MACROD2: variants seen among roughly 807,000 people sequenced by gnomAD.
The protein encoded by MACROD2 is mono-ADP ribosylhydrolase 2, also known as ADP-ribose glycohydrolase MACROD2.
In MACROD2, 36 loss-of-function variants were observed where a neutral mutation model predicts 70.4. That is an observed-to-expected ratio of 0.51 (90% CI 0.39 to 0.68). The LOEUF (loss-of-function observed/expected upper bound fraction) is 0.68. MACROD2 is among the 30% of genes least tolerant of loss of function. MACROD2 has a pLI of 0.00. For missense variants in MACROD2, 496 were observed against 538.4 expected (o/e 0.92, Z 0.78); for synonymous variants, 172 against 178.8 (o/e 0.96, Z 0.30).
rs1299564856 is a variant in MACROD2, at chr20:14,072,364, T to A, written c.164-13257T>A. ...ACAGATGGACTCTTTGAACTAAAAA[T>A]GGTATATGAGAGCCTGCATAGCATG... On this transcript the variant is annotated intron_variant, in intron 2 of 17. Coordinates refer to ENST00000684519, the MANE Select transcript of MACROD2 (RefSeq NM_001351661.2). 7.9e-5 allele frequency among the ~76,000 whole-genome samples: 12 copies of A among 152,058 alleles called. No homozygotes were observed. In the East Asian group the frequency reaches 2.3e-3, roughly 29 times the overall value.
At chr20:14,845,006 G>A (rs2073125138) in intron 5 of MACROD2, among the ~76,000 whole-genome samples, 1 of 152,048 alleles carries the variant, frequency 6.6e-6, no homozygotes, top group Non-Finnish European at 1.5e-5. Context: ...CAATCTAGCT[G>A]TTGAAATCTC....
chr20:14,609,889 C>T (rs547756722), intron 4 of MACROD2, among the ~76,000 whole-genome samples: 7 of 152,218 alleles, frequency 4.6e-5, no homozygotes, highest in East Asian at 3.9e-4. Flanking sequence ...TTTTCATACA[C>T]GAAATTAACC....
intron 6 of MACROD2, among the ~76,000 whole-genome samples, chr20:15,237,924 G>A (rs750838934): frequency 6.6e-6 from 1 of 152,204 alleles, no homozygotes; most frequent in Non-Finnish European, 1.5e-5. Flanking sequence ...TGACAGCAAG[G>A]GTATTTGCTA....
At chr20:15,888,705 G>A (rs557118163) in intron 10 of MACROD2, among the ~76,000 whole-genome samples, 60 of 152,204 alleles carry the variant, frequency 3.9e-4, no homozygotes, top group Admixed American at 1.8e-3. Context: ...AGCTGTTCAA[G>A]TCATATTCAA....
intron 8 of MACROD2, among the ~76,000 whole-genome samples, chr20:15,837,063 G>A (rs1404972303): frequency 1.3e-5 from 2 of 152,102 alleles, no homozygotes; most frequent in Non-Finnish European, 2.9e-5. Flanking sequence ...GCACACATAT[G>A]TACTTGGTCT....
chr20:14,479,861 T>C (rs1256355116), intron 3 of MACROD2, among the ~76,000 whole-genome samples: 1 of 152,176 alleles, frequency 6.6e-6, no homozygotes, highest in South Asian at 2.1e-4. Context: ...ACTTTATAGA[T>C]TTATTTACTA....
chr20:15,434,141 G>A (rs2046398167), intron 7 of MACROD2, among the ~76,000 whole-genome samples: 1 of 151,970 alleles, frequency 6.6e-6, no homozygotes. Flanking sequence ...TCATGACTAA[G>A]ACCTCAAAAG....
intron 3 of MACROD2, among the ~76,000 whole-genome samples, chr20:14,259,586 A>G (rs1370670212): frequency 6.6e-6 from 1 of 152,218 alleles, no homozygotes; most frequent in African/African-American, 2.4e-5. Flanking sequence ...CATTAGTCAA[A>G]TATTTATTAA....
chr20:14,906,383 A>G (rs1954815946), intron 5 of MACROD2, among the ~76,000 whole-genome samples: 1 of 152,280 alleles, frequency 6.6e-6, no homozygotes. Flanking sequence ...AATCCCAGCT[A>G]CTGGGGAGGC....
intron 6 of MACROD2, among the ~76,000 whole-genome samples, chr20:15,350,334 G>T (rs1431475793): frequency 6.6e-6 from 1 of 152,130 alleles, no homozygotes; most frequent in East Asian, 1.9e-4. Flanking sequence ...AATTAATAAT[G>T]ATTAACTGTG....
chr20:14,567,605 G>T (rs1309026783), intron 4 of MACROD2, among the ~76,000 whole-genome samples: 2 of 151,962 alleles, frequency 1.3e-5, no homozygotes, highest in African/African-American at 4.8e-5. Context: ...ATTAGGCAGT[G>T]CCTGTGCTGT....
chr20:14,237,490 T>C (rs1017779033), intron 3 of MACROD2, among the ~76,000 whole-genome samples: 1 of 151,668 alleles, frequency 6.6e-6, no homozygotes, highest in Non-Finnish European at 1.5e-5. Flanking sequence ...CTGCCTCATA[T>C]ATCTCTTTAG....
chr20:15,642,156 G>A (rs1426373605), intron 8 of MACROD2, among the ~76,000 whole-genome samples: 1 of 152,162 alleles, frequency 6.6e-6, no homozygotes, highest in Non-Finnish European at 1.5e-5. Flanking sequence ...TCCATCTCTG[G>A]TGATCCTGTG....
chr20:15,590,059 G>C (rs957370951), intron 8 of MACROD2, among the ~76,000 whole-genome samples: 2 of 152,086 alleles, frequency 1.3e-5, no homozygotes, highest in African/African-American at 2.4e-5. Flanking sequence ...AGAAAACCCA[G>C]AAGTAGCCTT....
intron 5 of MACROD2, among the ~76,000 whole-genome samples, chr20:14,759,096 T>A (rs1480794302): frequency 6.6e-6 from 1 of 152,160 alleles, no homozygotes; most frequent in Non-Finnish European, 1.5e-5. Context: ...GGTAGATTAT[T>A]AATTCATTAA....
chr20:15,764,838 A>C (rs1406314802), intron 8 of MACROD2, among the ~76,000 whole-genome samples: 4 of 152,074 alleles, frequency 2.6e-5, no homozygotes, highest in African/African-American at 9.7e-5. Flanking sequence ...TAAAGTCTAA[A>C]TTTCTCATCT....
chr20:14,128,100 T>A, intron 3 of MACROD2: 1 of 548,566 alleles, frequency 1.8e-6, no homozygotes, highest in Non-Finnish European at 3.6e-6. Context: ...AGTGGTCATG[T>A]GTGCTTGTTC....
chr20:14,443,461 T>G (rs1435981471), intron 3 of MACROD2, among the ~76,000 whole-genome samples: 1 of 151,822 alleles, frequency 6.6e-6, no homozygotes, highest in Admixed American at 6.6e-5. Context: ...TACGCCTGTC[T>G]GACTTTTGTA....
At chr20:14,196,697 C>T (rs976986470) in intron 3 of MACROD2, among the ~76,000 whole-genome samples, 3 of 152,170 alleles carry the variant, frequency 2.0e-5, no homozygotes, top group South Asian at 4.1e-4. Context: ...TTTGGAAATA[C>T]GGCTCACATG....
Sources: allele counts gnomAD v4.1 joint callset (sites outside exome capture counted in the v4.1 genomes callset), GRCh38; gene constraint gnomAD v4.1.1; transcripts MANE v1.5; gene names NCBI Gene and HGNC (gene_info 2026-07-23, HGNC 2026-07-21).